URI1: variants seen among roughly 807,000 people sequenced by gnomAD.
URI1 encodes the protein URI1 prefoldin like chaperone, also known as unconventional prefoldin RPB5 interactor 1.
Under a neutral mutation model 60.2 loss-of-function variants are expected in URI1, and 39 were observed. That is an observed-to-expected ratio of 0.65 (90% CI 0.50 to 0.85). URI1 has a LOEUF of 0.85. Among genes scored for constraint, URI1 ranks in the 40% least tolerant of loss-of-function variants. The pLI is 0.00. For synonymous variants in URI1, 251 were observed against 236.8 expected, an observed-to-expected ratio of 1.06 and a Z score of -0.55; for missense variants, 691 against 665.9, an observed-to-expected ratio of 1.04 and a Z score of -0.42.
In URI1 at chr19:29,942,336, C is replaced by T; in HGVS notation, c.-212C>T. ...GCGGCCTGCTACTCGGAGCCCGCTG[C>T]GGGGCGGCGGCGGCGGGGACATGCA... is the stretch of plus-strand genomic sequence containing the variant. On this transcript the variant is annotated 5_prime_UTR_variant, in exon 1 of 11. Coordinates refer to ENST00000392271, the MANE Select transcript of URI1 (RefSeq NM_003796.3). 2 of 985,034 alleles carry T rather than the reference C, an allele frequency of 2.0e-6. No homozygotes were observed. The highest frequency in any genetic ancestry group is 2.4e-6 in the Non-Finnish European group (2 of 829,662). 61.0% of individuals were successfully genotyped at this position (985,034 alleles called of 1,614,324 possible). A position where few individuals can be genotyped will look rare whatever the true frequency, so the allele number is the denominator to read the frequency against.
At chr19:29,984,264 A>G (rs1003386214) in intron 2 of URI1, among the ~76,000 whole-genome samples, 2 of 151,970 alleles carry the variant, frequency 1.3e-5, no homozygotes, top group East Asian at 1.9e-4. Context: ...CCTAATCTCT[A>G]TGGAAGATAC....
At chr19:29,957,779 ATTTAC>A (rs779288964) in intron 1 of URI1, among the ~76,000 whole-genome samples, 5 of 151,656 alleles carry the variant, frequency 3.3e-5, no homozygotes, top group Non-Finnish European at 5.9e-5. Flanking sequence ...ATATCAATTT[ATTTAC>A]TTCTATAACT....
Position 30,012,439 on chromosome 19 carries a change from G to A in URI1, c.1333G>A (p.Glu445Lys). ...AGTTTTGAGGAGTATCAGCTGCGAA[G>A]AAGCCACTTGCAGTGACACCAGTGA... ...RGVLRSISCE[E>K]ATCSDTSESI... Residue 445 changes from glutamate to lysine, a missense_variant, in exon 10 of 11, where the codon GAA becomes AAA. Physicochemically the swap from Glu to Lys is moderately conservative, Grantham distance 56. Coordinates refer to ENST00000392271, the MANE Select transcript of URI1 (RefSeq NM_003796.3). The A allele has an allele frequency of 1.2e-6, 2 of 1,614,200 alleles. No homozygotes were observed. Among genetic ancestry groups the A allele is most frequent in the South Asian group, 2.2e-5 (2 of 91,088 alleles).
At chr19:29,961,320 C>G (rs1362932733) in intron 1 of URI1, among the ~76,000 whole-genome samples, 4 of 151,062 alleles carry the variant, frequency 2.6e-5, no homozygotes, top group Non-Finnish European at 5.9e-5. Flanking sequence ...CTATTCTTCC[C>G]CTTCCTGATC....
chr19:30,005,506 A>T (rs2055930685), intron 5 of URI1, 54 bp downstream of exon 5: 1 of 1,500,922 alleles, frequency 6.7e-7, no homozygotes, highest in Non-Finnish European at 9.0e-7. Flanking sequence ...TCAAAGAAAT[A>T]TGAAGCTATC....
chr19:29,964,380 A>G (rs757973101), intron 1 of URI1, among the ~76,000 whole-genome samples: 18 of 151,604 alleles, frequency 1.2e-4, no homozygotes, highest in Non-Finnish European at 1.9e-4. Context: ...TTACATAGCT[A>G]CTTGCAGTGA....
Position 30,015,324 on chromosome 19 carries a change from G to T in URI1, c.*255G>T. 7.1e-7 allele frequency: 1 copy of T among 1,413,162 alleles called. No individual in the cohort carries two copies. Among genetic ancestry groups the T allele is most frequent in the Non-Finnish European group, 9.2e-7 (1 of 1,090,020 alleles). The allele number at this position is 1,413,162 out of a possible 1,614,324, so 87.5% of individuals were successfully genotyped here. Reference sequence around the variant, plus strand: ...CTAAGTTTGCCTTTATGATGCAGTGGCAGCATTTTGAATTACTTTTCAAAG... The same window carrying T: ...CTAAGTTTGCCTTTATGATGCAGTGTCAGCATTTTGAATTACTTTTCAAAG... On this transcript the variant is annotated 3_prime_UTR_variant, in exon 11 of 11. Transcript: ENST00000392271.
intron 1 of URI1, among the ~76,000 whole-genome samples, chr19:29,948,196 G>C (rs1415645956): frequency 6.6e-6 from 1 of 152,218 alleles, no homozygotes; most frequent in East Asian, 1.9e-4. Context: ...ACATGGTGGT[G>C]TAGTTTTAGT....
chr19:30,015,479 T>TA lies in URI1; in HGVS notation c.*411dup. The TA allele has an allele frequency of 6.6e-7, 1 of 1,523,710 alleles. No individual in the cohort carries two copies. Among genetic ancestry groups the TA allele is most frequent in the Non-Finnish European group, 8.7e-7 (1 of 1,143,254 alleles). The allele number at this position is 1,523,710 out of a possible 1,614,324, so 94.4% of individuals were successfully genotyped here. A position where few individuals can be genotyped will look rare whatever the true frequency, so the allele number is the denominator to read the frequency against. ...TAAAATTTCAAATAGATTCAACAATTACATTACTTGCTTTCACATTTTAAA... is the reference window on the plus strand; with the variant it reads ...TAAAATTTCAAATAGATTCAACAATTAACATTACTTGCTTTCACATTTTAAA... On this transcript the variant is annotated 3_prime_UTR_variant, in exon 11 of 11. Coordinates refer to ENST00000392271, the MANE Select transcript of URI1 (RefSeq NM_003796.3).
At position 29,948,049 on chromosome 19, in the gene URI1, C is replaced by T. The variant is rs187553126; in HGVS notation, c.117+5385C>T. On this transcript the variant is annotated intron_variant, in intron 1 of 10. Coordinates refer to ENST00000392271, the MANE Select transcript of URI1 (RefSeq NM_003796.3). ...ATTGGAAAGAGTGTCATGTCTCCAC[C>T]GCATTGTCATCTTTGTCATAAATCA... 9.9e-5 allele frequency among the ~76,000 whole-genome samples: 15 copies of T among 151,898 alleles called. No homozygotes were observed. In the East Asian group the frequency reaches 1.9e-3, roughly 20 times the overall value.
intron 1 of URI1, among the ~76,000 whole-genome samples, chr19:29,930,503 C>T (rs996943182): frequency 2.6e-5 from 4 of 151,862 alleles, no homozygotes; most frequent in African/African-American, 4.8e-5. Context: ...TTCCTTGGCA[C>T]CATTTGTGTT....
At chr19:30,004,156 T>A (rs2055911270) in intron 4 of URI1, 1 of 152,080 alleles carries the variant, frequency 6.6e-6, no homozygotes, top group Non-Finnish European at 1.5e-5. Flanking sequence ...TTGCAGAAAT[T>A]TAATGATCTA....
In URI1 at chr19:30,011,159, T is replaced by C. The variant is rs768956959; in HGVS notation, c.1101T>C (p.Arg367=). The part of the protein sequence containing the change: ...KFSEKKEEAK[R]KRKNSTGSGH... ...GTGAAAAGAAAGAAGAAGCCAAACG[T>C]AAACGAAAGAACAGCACTGGCAGTG... is the stretch of plus-strand genomic sequence containing the variant. Residue 367 remains arginine, a synonymous_variant, in exon 9 of 11, where the codon CGT becomes CGC. Transcript: ENST00000392271. 1.2e-6 allele frequency: 2 copies of C among 1,613,136 alleles called. No individual in the cohort carries two copies. The highest frequency in any genetic ancestry group is 1.6e-4 in the Middle Eastern group (1 of 6,062).
rs2054964136 is a variant in URI1, at chr19:29,935,714, T to TTTTTTTTTTTTTTTTTTTTTTTTTC, written c.63+11960_63+11961insTTTTTTTTTTTTTTTTTTTTTTTTC. ...TGGTTGACAGTCTTTTTTTTTTTTT[T>TTTTTTTTTTTTTTTTTTTTTTTTTC]CCCCAGGACTTTAACTGTGTTATTC... On this transcript the variant is annotated intron_variant, in intron 1 of 10. Transcript: ENST00000360605. Among the ~76,000 whole-genome samples the TTTTTTTTTTTTTTTTTTTTTTTTTC allele has an allele frequency of 2.4e-4, 36 of 149,332 alleles. 1 individual carries two copies. The highest frequency in any genetic ancestry group is 8.6e-4 in the African/African-American group (35 of 40,512).
At chr19:29,997,757 A>C (rs1482652924) in intron 4 of URI1, among the ~76,000 whole-genome samples, 1 of 151,730 alleles carries the variant, frequency 6.6e-6, no homozygotes, top group African/African-American at 2.4e-5. Flanking sequence ...TGTTGGTCTC[A>C]GGGTATTTTC....
intron 9 of URI1, 135 bp from the exon 10 acceptor site, chr19:30,012,150 G>A: frequency 4.9e-6 from 5 of 1,016,270 alleles, no homozygotes; most frequent in Non-Finnish European, 7.0e-6. Flanking sequence ...TTGTGATTGT[G>A]ACTATTTTAG....
Position 30,012,445 on chromosome 19 carries a change from A to T in URI1, c.1339A>T (p.Thr447Ser). Residue 447 changes from threonine to serine, a missense_variant, in exon 10 of 11, where the codon ACT becomes TCT. Transcript: ENST00000392271. Reference sequence around the variant, plus strand: ...GAGGAGTATCAGCTGCGAAGAAGCCACTTGCAGTGACACCAGTGAGAGCAT... The same window carrying T: ...GAGGAGTATCAGCTGCGAAGAAGCCTCTTGCAGTGACACCAGTGAGAGCAT... ...VLRSISCEEA[T>S]CSDTSESILE... is the part of the protein sequence containing the mutation. The T allele has an allele frequency of 4.3e-6, 7 of 1,614,206 alleles. No individual in the cohort carries two copies. The highest frequency in any genetic ancestry group is 5.1e-6 in the Non-Finnish European group (6 of 1,180,024).
chr19:29,942,469 C>T lies in URI1; in HGVS notation c.-79C>T, dbSNP rs1035716562. The T allele has an allele frequency of 2.1e-5, 22 of 1,059,822 alleles. No individual in the cohort carries two copies. The highest frequency in any genetic ancestry group is 8.6e-5 in the South Asian group (2 of 23,296). 65.7% of individuals were successfully genotyped at this position (1,059,822 alleles called of 1,614,324 possible). A position where few individuals can be genotyped will look rare whatever the true frequency, so the allele number is the denominator to read the frequency against. Reference sequence around the variant, plus strand: ...GTGCCTGAGGGCGGGCGCGCGGGCGCTGGGCAACTGCCGGCCGCGCCGCCT... The same window carrying T: ...GTGCCTGAGGGCGGGCGCGCGGGCGTTGGGCAACTGCCGGCCGCGCCGCCT... On this transcript the variant is annotated 5_prime_UTR_variant, in exon 1 of 11. Coordinates refer to ENST00000392271, the MANE Select transcript of URI1 (RefSeq NM_003796.3).
rs571380894 is a variant in URI1, at chr19:30,005,807, C to T, written c.517+99C>T. ...TGAGATATTTGGGATTTAGAATACA[C>T]TTTTAAATTCATAGGATGCCAACAT... is the stretch of plus-strand genomic sequence containing the variant. On this transcript the variant is annotated intron_variant, in intron 6 of 10. Transcript: ENST00000392271. 286 of 1,079,452 alleles carry T rather than the reference C, an allele frequency of 2.6e-4. 1 individual carries two copies. The African/African-American group carries it at 4.3e-3, about 16-fold the overall frequency. 66.9% of individuals were successfully genotyped at this position (1,079,452 alleles called of 1,614,324 possible). A position where few individuals can be genotyped will look rare whatever the true frequency, so the allele number is the denominator to read the frequency against.
Sources: gnomAD v4.1 joint callset for allele counts (sites outside exome capture counted in the v4.1 genomes callset) on GRCh38, gnomAD v4.1.1 for gene constraint, MANE v1.5 for transcripts, NCBI Gene and HGNC (gene_info 2026-07-23, HGNC 2026-07-21) for gene names.